The following HIPK1 variants were observed in gnomAD, a reference collection of about 807,000 sequenced individuals.
HIPK1 encodes the protein homeodomain-interacting protein kinase 1.
In HIPK1, 28 loss-of-function variants were observed where a neutral mutation model predicts 117.1. The ratio of observed to expected loss-of-function variants is 0.24; its 90% CI spans 0.18 to 0.33. HIPK1 has a LOEUF of 0.33. Ranked by LOEUF, HIPK1 falls within the 10% of genes least tolerant of loss-of-function variation. HIPK1 has a pLI of 1.00. For missense variants in HIPK1, 1,122 were observed against 1,475.1 expected, an observed-to-expected ratio of 0.76 and a Z score of 3.92; for synonymous variants, 605 against 562.5, an observed-to-expected ratio of 1.08 and a Z score of -1.07.
chr1:113,940,611 C>T lies in HIPK1; in HGVS notation c.228C>T (p.Leu76=), dbSNP rs770407501. 3 of 1,614,232 alleles carry T rather than the reference C, an allele frequency of 1.9e-6. No individual in the cohort carries two copies. The highest frequency in any genetic ancestry group is 4.5e-5 in the East Asian group (2 of 44,892). Residue 76 remains leucine, a synonymous_variant, in exon 2 of 16, where the codon CTC becomes CTT. Transcript: ENST00000426820. ...CTGCTTACGACCAGGGCCTCCTCCT[C>T]CCAGCTCCTGCAGTGGAGCATATTG... ...NIPAYDQGLL[L]PAPAVEHIVV... is the part of the protein sequence containing the mutation.
At chr1:113,955,456 G>A (rs1420574036) in intron 4 of HIPK1, 107 bp from the exon 5 acceptor site, 3 of 685,414 alleles carry the variant, frequency 4.4e-6, no homozygotes, top group Non-Finnish European at 7.8e-6. Flanking sequence ...GCCATCTATG[G>A]TTGGCAAGGT....
intron 2 of HIPK1, chr1:113,951,038 A>G (rs1231170550): frequency 5.8e-6 from 1 of 173,372 alleles, no homozygotes; most frequent in Non-Finnish European, 1.1e-5. Flanking sequence ...AACATGTAAA[A>G]AGATGTGTAT....
Position 113,962,451 on chromosome 1 carries a change from G to A in HIPK1, c.2103+13G>A. 6.2e-7 allele frequency: 1 copy of A among 1,612,262 alleles called. No homozygotes were observed. ...AGTTCTCACGCAGGTAAAAGCTAGA[G>A]CAATGTGGATACTCAGTATTGCTAA... On this transcript the variant is annotated intron_variant, in intron 9 of 15. Coordinates refer to ENST00000426820, the MANE Select transcript of HIPK1 (RefSeq NM_198268.3).
intron 12 of HIPK1, 86 bp downstream of exon 12, chr1:113,968,034 A>G: frequency 1.6e-6 from 2 of 1,220,882 alleles, no homozygotes; most frequent in Admixed American, 2.7e-5. Flanking sequence ...ATAGACATAT[A>G]ATATAGATAT....
At chr1:113,963,570 T>C in intron 10 of HIPK1, 49 bp downstream of exon 10, 1 of 1,555,906 alleles carries the variant, frequency 6.4e-7, no homozygotes, top group Non-Finnish European at 8.6e-7. Context: ...CTTTGGTTTC[T>C]TTCTTTTTTG....
chr1:113,929,987 C>T (rs1450097440), intron 1 of HIPK1: 30 of 985,390 alleles, frequency 3.0e-5, no homozygotes, highest in Non-Finnish European at 3.3e-5. Flanking sequence ...GCGACTTCCC[C>T]TCAGCTCCCT....
rs760140434 is a variant in HIPK1 at position 113,940,521 on chromosome 1, C to G, written c.138C>G (p.Ser46Arg). The G allele has an allele frequency of 1.2e-6, 2 of 1,614,186 alleles. No homozygotes were observed. The highest frequency in any genetic ancestry group is 8.5e-7 in the Non-Finnish European group (1 of 1,180,042). Reference sequence around the variant, plus strand: ...GCAACGACAAATATTATACCCACAGCAAAACCCTCCCAGCCACACAAGGGC... The same window carrying G: ...GCAACGACAAATATTATACCCACAGGAAAACCCTCCCAGCCACACAAGGGC... ...QSSNDKYYTHSKTLPATQGQA... is the reference protein window; with the variant it reads ...QSSNDKYYTHRKTLPATQGQA... The change falls in exon 2 of 16, where the codon AGC (serine) becomes AGG (arginine). Residue 46 changes from serine (S) to arginine (R), a missense_variant. Ser to Arg is a moderately radical substitution (Grantham distance 110). Around this residue, in one of 6 missense-constraint regions of HIPK1, gnomAD observed 192 missense variants for 234.0 expected, o/e 0.82. Transcript: ENST00000426820.
Position 113,975,169 on chromosome 1 carries a change from G to C in HIPK1, c.*1657G>C, listed in dbSNP as rs1241229334. ...ATATGATAATGTAGTGGTTAATAGAGTTTACAGTGAGCTTGCCTTAGGATG... is the reference window on the plus strand; with the variant it reads ...ATATGATAATGTAGTGGTTAATAGACTTTACAGTGAGCTTGCCTTAGGATG... On this transcript the variant is annotated 3_prime_UTR_variant, in exon 16 of 16. Coordinates refer to ENST00000426820, the MANE Select transcript of HIPK1 (RefSeq NM_198268.3). 1 of 152,694 alleles carries C rather than the reference G, an allele frequency of 6.5e-6. No individual in the cohort carries two copies. Among genetic ancestry groups the C allele is most frequent in the Non-Finnish European group, 1.5e-5 (1 of 68,048 alleles). The allele number at this position is 152,694 out of a possible 1,614,324, so 9.5% of individuals were successfully genotyped here.
At chr1:113,952,968 G>A in intron 3 of HIPK1, 79 bp downstream of exon 3, 3 of 1,262,472 alleles carry the variant, frequency 2.4e-6, no homozygotes, top group Non-Finnish European at 2.1e-6. Context: ...GAAGTACTAA[G>A]TACTACTGAA....
chr1:113,947,371 T>C (rs1004872455), intron 2 of HIPK1, among the ~76,000 whole-genome samples: 2 of 152,162 alleles, frequency 1.3e-5, no homozygotes, highest in African/African-American at 4.8e-5. Context: ...CTTTGTTACT[T>C]ACGGAAGGAA....
intron 14 of HIPK1, 147 bp from the exon 15 acceptor site, chr1:113,971,677 G>C: frequency 3.3e-6 from 2 of 608,984 alleles, no homozygotes; most frequent in South Asian, 6.0e-5. Context: ...AGAAATGGGT[G>C]ATAACAGGTT....
In HIPK1 at chr1:113,944,159, G is replaced by T. The variant is rs77842990; in HGVS notation, c.1076+2700G>T. 5.7e-3 allele frequency among the ~76,000 whole-genome samples: 315 copies of T among 55,242 alleles called. 2 individuals carry two copies. The highest frequency in any genetic ancestry group is 0.014 in the African/African-American group (161 of 11,544). 36.2% of individuals were successfully genotyped at this position (55,242 alleles called of 152,430 possible). On this transcript the variant is annotated intron_variant, in intron 2 of 15. Coordinates refer to ENST00000426820, the MANE Select transcript of HIPK1 (RefSeq NM_198268.3). Reference sequence around the variant, plus strand: ...TTTGTTTTTTAAATAATAGCCATGGGTTTTTTTTTTTTTTTTTTTTTTTTT... The same window carrying T: ...TTTGTTTTTTAAATAATAGCCATGGTTTTTTTTTTTTTTTTTTTTTTTTTT...
chr1:113,964,830 C>G (rs953302690), intron 10 of HIPK1, among the ~76,000 whole-genome samples: 3 of 152,200 alleles, frequency 2.0e-5, no homozygotes, highest in East Asian at 1.9e-4. Context: ...TGCTGCTTCT[C>G]TTAAGTTTGC....
rs201468805 is a variant in HIPK1, at chr1:113,967,802, C to T, written c.2418C>T (p.Ile806=). 2.5e-6 allele frequency: 4 copies of T among 1,605,398 alleles called. No homozygotes were observed. Among genetic ancestry groups the T allele is most frequent in the Non-Finnish European group, 3.4e-6 (4 of 1,177,162 alleles). The change falls in exon 12 of 16, where the codon ATC becomes ATT. Residue 806 remains isoleucine (I), a synonymous_variant. Coordinates refer to ENST00000426820, the MANE Select transcript of HIPK1 (RefSeq NM_198268.3). ...CTCATGGCAACCAGTACAGCACTAT[C>T]ATGCAGCAGCCATCCTTGCTGACTA... ...AHSHGNQYST[I]MQQPSLLTNH...
chr1:113,963,263 C>G, intron 9 of HIPK1, 124 bp from the exon 10 acceptor site: 1 of 1,109,708 alleles, frequency 9.0e-7, no homozygotes, highest in South Asian at 1.5e-5. Flanking sequence ...TTGGTATATG[C>G]ATTTTAGATG....
Position 113,972,080 on chromosome 1 carries a change from G to C in HIPK1, c.3144+126G>C, listed in dbSNP as rs773317960. On this transcript the variant is annotated intron_variant, in intron 15 of 15. Transcript: ENST00000426820. The stretch of plus-strand genomic sequence containing the variant: ...CCCCTTTTGTGTCAAACAATTTTGT[G>C]TTCTATGGCTTACGTCGTACCGCAT... 2.8e-5 allele frequency: 45 copies of C among 1,609,982 alleles called. No individual in the cohort carries two copies. The East Asian group carries it at 9.6e-4, about 34-fold the overall frequency.
chr1:113,933,127 T>A, intron 1 of HIPK1: 1 of 968,710 alleles, frequency 1.0e-6, no homozygotes, highest in African/African-American at 1.8e-5. Context: ...TTTCTTTTGT[T>A]CTGTTGCCGT....
intron 2 of HIPK1, among the ~76,000 whole-genome samples, chr1:113,952,331 C>G (rs1671424423): frequency 6.6e-6 from 1 of 151,788 alleles, no homozygotes; most frequent in African/African-American, 2.4e-5. Flanking sequence ...TCTGTGATTG[C>G]AAAATTCAGA....
intron 2 of HIPK1, among the ~76,000 whole-genome samples, chr1:113,944,155 A>C (rs1329258498): frequency 1.2e-5 from 1 of 80,884 alleles, no homozygotes; most frequent in African/African-American, 5.3e-5. Flanking sequence ...AATAATAGCC[A>C]TGGGTTTTTT....
Sources: allele counts gnomAD v4.1 joint callset (sites outside exome capture counted in the v4.1 genomes callset), GRCh38; gene constraint gnomAD v4.1.1; regional missense constraint gnomAD v4.1.1; transcripts MANE v1.5; gene names NCBI Gene and HGNC (gene_info 2026-07-23, HGNC 2026-07-21).